Variants in ALG14 observed in about 807,000 individuals in gnomAD.
ALG14 encodes ALG14 UDP-N-acetylglucosaminyltransferase subunit.
A neutral mutation model predicts 22.8 loss-of-function variants in ALG14; 17 were observed. The observed-to-expected ratio is 0.75, with a 90% CI of 0.51 to 1.12. ALG14 has a LOEUF of 1.12. Among genes scored for constraint, ALG14 ranks in the 50% most tolerant of loss-of-function variants. ALG14 has a pLI of 0.00. For synonymous variants in ALG14, 89 were observed against 103.7 expected (o/e 0.86, Z 0.86); for missense variants, 288 against 271.8 (o/e 1.06, Z -0.42).
intron 2 of ALG14, among the ~76,000 whole-genome samples, chr1:95,054,883 A>G (rs1335902756): frequency 3.3e-5 from 5 of 152,260 alleles, no homozygotes; most frequent in Admixed American, 6.5e-5. Context: ...GTACAATCTC[A>G]CACATGAACA....
At chr1:94,985,416 T>C (rs1224004367) in intron 3 of ALG14, among the ~76,000 whole-genome samples, 1 of 152,236 alleles carries the variant, frequency 6.6e-6, no homozygotes, top group Non-Finnish European at 1.5e-5. Flanking sequence ...CAACCAAGAA[T>C]GACTCCAATC....
chr1:95,063,045 G>A (rs9437672), intron 2 of ALG14, among the ~76,000 whole-genome samples: 64,973 of 152,106 alleles, frequency 0.43, 15,038 homozygotes, highest in Middle Eastern at 0.55. Flanking sequence ...TTTCTCTAAT[G>A]ATCAGTGATG....
intron 2 of ALG14, among the ~76,000 whole-genome samples, chr1:95,053,614 G>A (rs894963913): frequency 2.0e-5 from 3 of 152,064 alleles, no homozygotes; most frequent in Non-Finnish European, 2.9e-5. Flanking sequence ...AGGCTTGAGT[G>A]CAGTGGCATG....
intron 3 of ALG14, among the ~76,000 whole-genome samples, chr1:94,998,147 A>G (rs1672955672): frequency 6.6e-6 from 1 of 152,198 alleles, no homozygotes; most frequent in Non-Finnish European, 1.5e-5. Context: ...ATTCTGTTGG[A>G]GAATGTAGAC....
At chr1:95,063,976 C>G (rs1675260873) in intron 2 of ALG14, among the ~76,000 whole-genome samples, 2 of 152,140 alleles carry the variant, frequency 1.3e-5, no homozygotes, top group East Asian at 3.8e-4. Flanking sequence ...GTTTGTAGCT[C>G]TCCTTGAAGA....
chr1:94,983,359 A>T, intron 3 of ALG14, 53 bp from the exon 4 acceptor site: 1 of 1,488,092 alleles, frequency 6.7e-7, no homozygotes, highest in South Asian at 1.2e-5. Context: ...AATCTAAGGG[A>T]GGCATTTTGC....
At chr1:95,013,368 G>T (rs1407234230) in intron 3 of ALG14, among the ~76,000 whole-genome samples, 1 of 151,052 alleles carries the variant, frequency 6.6e-6, no homozygotes, top group Non-Finnish European at 1.5e-5. Context: ...CAAGAGTCTT[G>T]CTCCGTCGCC....
rs1266485434 is a variant in ALG14 at position 94,982,549 on chromosome 1, T to C, written c.*527A>G. The C allele has an allele frequency of 6.5e-6, 1 of 153,350 alleles. No homozygotes were observed. Among genetic ancestry groups the C allele is most frequent in the Non-Finnish European group, 1.4e-5 (1 of 69,008 alleles). 9.5% of individuals were successfully genotyped at this position (153,350 alleles called of 1,614,324 possible). On this transcript the variant is annotated 3_prime_UTR_variant, in exon 4 of 4. Coordinates refer to ENST00000370205, the MANE Select transcript of ALG14 (RefSeq NM_144988.4). ...GAGGCTTGTGGAGTGCAAATTGTCATGAAGCCAATTTAATATAACTGCTTC... is the reference window on the plus strand; with the variant it reads ...GAGGCTTGTGGAGTGCAAATTGTCACGAAGCCAATTTAATATAACTGCTTC...
intron 1 of ALG14, among the ~76,000 whole-genome samples, chr1:95,069,790 C>T (rs762659881): frequency 5.3e-5 from 8 of 152,192 alleles, no homozygotes; most frequent in Non-Finnish European, 1.0e-4. Context: ...TAGAATCTCT[C>T]TTCCCCAGGG....
chr1:95,067,789 T>A lies in ALG14; in HGVS notation c.137-2772A>T, dbSNP rs111670309. Among the ~76,000 whole-genome samples the A allele has an allele frequency of 5.1e-3, 784 of 152,252 alleles. 6 individuals carry two copies. Among genetic ancestry groups the A allele is most frequent in the African/African-American group, 0.018 (738 of 41,548 alleles). ...TCCCGTGTGACCCTATTCGAGTTGA[T>A]CAAATTATTTACTTCTGCTCAAAAT... On this transcript the variant is annotated intron_variant, in intron 1 of 3. Coordinates refer to ENST00000370205, the MANE Select transcript of ALG14 (RefSeq NM_144988.4).
rs996872174 is a variant in ALG14 at position 95,024,286 on chromosome 1, G to A, written c.420+2843C>T. Among the ~76,000 whole-genome samples, 17 of 152,212 alleles carry A rather than the reference G, an allele frequency of 1.1e-4. No individual in the cohort carries two copies. The South Asian group carries it at 3.3e-3, about 30-fold the overall frequency. ...GCGACCGCGCCCGGCCTTTTAAATAGGGTCTCTATTTTCAACTGAATTAAT... is the reference window on the plus strand; with the variant it reads ...GCGACCGCGCCCGGCCTTTTAAATAAGGTCTCTATTTTCAACTGAATTAAT... On this transcript the variant is annotated intron_variant, in intron 3 of 3. Coordinates refer to ENST00000370205, the MANE Select transcript of ALG14 (RefSeq NM_144988.4).
intron 2 of ALG14, among the ~76,000 whole-genome samples, chr1:95,052,359 A>G (rs2100816168): frequency 6.6e-6 from 1 of 152,346 alleles, no homozygotes; most frequent in Admixed American, 6.5e-5. Flanking sequence ...AGGTGGTATA[A>G]ACACAAATTA....
intron 3 of ALG14, among the ~76,000 whole-genome samples, chr1:95,006,994 G>A (rs1194309985): frequency 1.3e-5 from 2 of 152,186 alleles, no homozygotes; most frequent in Non-Finnish European, 2.9e-5. Context: ...GGCTTCCAGA[G>A]CTGAAATATA....
chr1:95,069,130 G>A (rs984984070), intron 1 of ALG14, among the ~76,000 whole-genome samples: 2 of 151,812 alleles, frequency 1.3e-5, no homozygotes, highest in Admixed American at 6.6e-5. Flanking sequence ...TCTCTACTTC[G>A]GTCTTTGTCA....
At chr1:95,057,227 T>A (rs1280543163) in intron 2 of ALG14, among the ~76,000 whole-genome samples, 1 of 151,422 alleles carries the variant, frequency 6.6e-6, no homozygotes, top group African/African-American at 2.4e-5. Context: ...AATGTAACCT[T>A]CCAAGAAATA....
chr1:94,980,177 T>C lies in ALG14; in HGVS notation c.*2899A>G, dbSNP rs1255716873. On this transcript the variant is annotated 3_prime_UTR_variant, in exon 4 of 4. Transcript: ENST00000370205. Reference sequence around the variant, plus strand: ...AATGATGTGTTCCAAGTTGCTTTTATAAGGGGAAGCTTGGGTCATCTCCTT... The same window carrying C: ...AATGATGTGTTCCAAGTTGCTTTTACAAGGGGAAGCTTGGGTCATCTCCTT... 1 of 152,182 alleles carries C rather than the reference T, an allele frequency of 6.6e-6. No homozygotes were observed. Among genetic ancestry groups the C allele is most frequent in the Admixed American group, 6.5e-5 (1 of 15,272 alleles). 9.4% of individuals were successfully genotyped at this position (152,182 alleles called of 1,614,324 possible).
Position 94,975,671 on chromosome 1 carries a change from T to A in ALG14, c.*7405A>T, listed in dbSNP as rs1021723444. 6.6e-6 allele frequency: 1 copy of A among 152,078 alleles called. No homozygotes were observed. Among genetic ancestry groups the A allele is most frequent in the Non-Finnish European group, 1.5e-5 (1 of 67,988 alleles). 9.4% of individuals were successfully genotyped at this position (152,078 alleles called of 1,614,324 possible). ...ATGTATTTTCTGGGTTTTCTTGGAC[T>A]ATAGCCACCCTAGGGGGTTGCTGCC... On this transcript the variant is annotated 3_prime_UTR_variant, in exon 4 of 4. Transcript: ENST00000370205.
At chr1:95,013,667 C>G (rs12119701) in intron 3 of ALG14, among the ~76,000 whole-genome samples, 8,612 of 152,168 alleles carry the variant, frequency 0.057, 268 homozygotes, top group East Asian at 0.087. Flanking sequence ...ATCTGGATAT[C>G]TACAATGTTT....
intron 2 of ALG14, among the ~76,000 whole-genome samples, chr1:95,054,893 A>G (rs1037986881): frequency 6.6e-6 from 1 of 152,260 alleles, no homozygotes; most frequent in Admixed American, 6.5e-5. Context: ...ACACATGAAC[A>G]TACATTTAAA....
Sources: gnomAD v4.1 joint callset for allele counts (sites outside exome capture counted in the v4.1 genomes callset) on GRCh38, gnomAD v4.1.1 for gene constraint, MANE v1.5 for transcripts, NCBI Gene and HGNC (gene_info 2026-07-23, HGNC 2026-07-21) for gene names.